The following NTRK2 variants were observed in gnomAD, a reference collection of about 807,000 sequenced individuals.
NTRK2 encodes the protein BDNF/NT-3 growth factors receptor.
NTRK2 carries 13 observed loss-of-function variants against 94.5 expected under a neutral mutation model. The ratio of observed to expected loss-of-function variants is 0.14; its 90% CI spans 0.09 to 0.22. The LOEUF (loss-of-function observed/expected upper bound fraction) is 0.22. Among genes scored for constraint, NTRK2 ranks in the 10% least tolerant of loss-of-function variants. NTRK2 has a pLI of 1.00. For synonymous variants in NTRK2, 372 were observed against 407.4 expected (o/e 0.91, Z 1.05); for missense variants, 639 against 1,071.2 (o/e 0.60, Z 5.63).
At chr9:84,902,589 T>C (rs1435141455) in intron 14 of NTRK2, among the ~76,000 whole-genome samples, 1 of 152,190 alleles carries the variant, frequency 6.6e-6, no homozygotes, top group Non-Finnish European at 1.5e-5. Context: ...AATAAATCTT[T>C]AAGTTACCAT....
At chr9:84,778,066 A>T (rs934082514) in intron 12 of NTRK2, among the ~76,000 whole-genome samples, 2 of 152,158 alleles carry the variant, frequency 1.3e-5, no homozygotes, top group African/African-American at 4.8e-5. Context: ...GTTCGAGACC[A>T]GCCTGGGCAA....
intron 12 of NTRK2, among the ~76,000 whole-genome samples, chr9:84,820,616 G>A (rs1007221987): frequency 3.9e-5 from 6 of 152,150 alleles, no homozygotes; most frequent in Admixed American, 1.3e-4. Context: ...AGGTTCATCT[G>A]TTAATTTTTT....
Position 85,024,110 on chromosome 9 carries a change from A to G in NTRK2, c.*2673A>G. On this transcript the variant is annotated 3_prime_UTR_variant, in exon 19 of 19. Transcript: ENST00000277120. Reference sequence around the variant, plus strand: ...AGTGCAAAGTTTTATAGTTATTTTTATTGCTGATTATTACTATTACTATCT... The same window carrying G: ...AGTGCAAAGTTTTATAGTTATTTTTGTTGCTGATTATTACTATTACTATCT... 4.3e-6 allele frequency: 1 copy of G among 230,536 alleles called. No homozygotes were observed. The highest frequency in any genetic ancestry group is 6.2e-5 in the East Asian group (1 of 16,166). The allele number at this position is 230,536 out of a possible 1,614,324, so 14.3% of individuals were successfully genotyped here.
At chr9:84,873,333 A>C (rs554250249) in intron 14 of NTRK2, 2 of 1,058,928 alleles carry the variant, frequency 1.9e-6, no homozygotes, top group African/African-American at 3.3e-5. Context: ...AGCTAAGTCC[A>C]TTCTGCCCAG....
Position 85,021,566 on chromosome 9 carries a change from C to T in NTRK2, c.*129C>T, listed in dbSNP as rs202071078. On this transcript the variant is annotated 3_prime_UTR_variant, in exon 19 of 19. Transcript: ENST00000277120. ...ACTCTGACAGTATTAACATCAAAGA[C>T]TCCGAGAAGCTCTCGAGGGAAGCAG... 26 of 882,712 alleles carry T rather than the reference C, an allele frequency of 2.9e-5. No individual in the cohort carries two copies. In the East Asian group the frequency reaches 4.2e-4, roughly 14 times the overall value. 54.7% of individuals were successfully genotyped at this position (882,712 alleles called of 1,614,324 possible).
intron 15 of NTRK2, among the ~76,000 whole-genome samples, chr9:84,947,307 A>G (rs1357196745): frequency 6.6e-6 from 1 of 152,150 alleles, no homozygotes; most frequent in African/African-American, 2.4e-5. Flanking sequence ...CTCCTGGATA[A>G]TCCAGGATAA....
At chr9:84,745,642 T>C (rs1393034719) in intron 11 of NTRK2, among the ~76,000 whole-genome samples, 1 of 152,084 alleles carries the variant, frequency 6.6e-6, no homozygotes, top group Non-Finnish European at 1.5e-5. Flanking sequence ...TGAGGAGCCT[T>C]TGTGGGGCAA....
At chr9:84,915,274 G>A (rs2077362248) in intron 14 of NTRK2, among the ~76,000 whole-genome samples, 1 of 152,134 alleles carries the variant, frequency 6.6e-6, no homozygotes, top group African/African-American at 2.4e-5. Context: ...TGGTTTGTTT[G>A]GCCCCACCAA....
chr9:84,965,191 C>A (rs1825413878), intron 17 of NTRK2, among the ~76,000 whole-genome samples: 1 of 152,308 alleles, frequency 6.6e-6, no homozygotes, highest in Admixed American at 6.5e-5. Flanking sequence ...ATTAGTAATG[C>A]TACCCACTTT....
At chr9:84,929,528 A>G (rs1488719600) in intron 14 of NTRK2, among the ~76,000 whole-genome samples, 1 of 151,280 alleles carries the variant, frequency 6.6e-6, no homozygotes, top group African/African-American at 2.4e-5. Context: ...TTTTCCTTCA[A>G]ATCTAGGAAG....
chr9:84,823,775 G>C (rs1249139139), intron 12 of NTRK2, among the ~76,000 whole-genome samples: 1 of 152,122 alleles, frequency 6.6e-6, no homozygotes, highest in African/African-American at 2.4e-5. Context: ...CATTTTTTAA[G>C]GTCTCTATGA....
rs117656178 is a variant in NTRK2, at chr9:84,870,756, A to T, written c.1633+3325A>T. Among the ~76,000 whole-genome samples the T allele has an allele frequency of 4.5e-4, 68 of 152,260 alleles. No individual in the cohort carries two copies. The East Asian group carries it at 0.011, about 26-fold the overall frequency. On this transcript the variant is annotated intron_variant, in intron 14 of 18. Coordinates refer to ENST00000277120, the MANE Select transcript of NTRK2 (RefSeq NM_006180.6). The stretch of plus-strand genomic sequence containing the variant: ...TCAGAGAGAGTTTAGAACACTTTCA[A>T]TGTGCTTACAGCATAATATCACATG...
At position 84,877,993 on chromosome 9, in the gene NTRK2, C is replaced by T. The variant is rs529346054; in HGVS notation, c.1633+10562C>T. The stretch of plus-strand genomic sequence containing the variant: ...AACATTGGGATTCCTCAAGGCACCA[C>T]GAACAGAGCTCTAGAAGTTGTCCGC... On this transcript the variant is annotated intron_variant, in intron 14 of 18. Transcript: ENST00000277120. 9.3e-5 allele frequency: 90 copies of T among 969,226 alleles called. No homozygotes were observed. The African/African-American group carries it at 1.0e-3, about 11-fold the overall frequency. The allele number at this position is 969,226 out of a possible 1,614,324, so 60.0% of individuals were successfully genotyped here. A position where few individuals can be genotyped will look rare whatever the true frequency, so the allele number is the denominator to read the frequency against.
chr9:84,865,729 T>C (rs2075561568), intron 13 of NTRK2, among the ~76,000 whole-genome samples: 1 of 152,210 alleles, frequency 6.6e-6, no homozygotes, highest in Admixed American at 6.5e-5. Flanking sequence ...TGATTCTGCC[T>C]TTTCACTCCC....
chr9:84,766,398 T>A (rs549652889), intron 12 of NTRK2, among the ~76,000 whole-genome samples: 1 of 152,250 alleles, frequency 6.6e-6, no homozygotes, highest in Non-Finnish European at 1.5e-5. Context: ...TTGTTTTGTT[T>A]TTTTATTCAG....
At chr9:84,926,108 T>C (rs144385226) in intron 14 of NTRK2, among the ~76,000 whole-genome samples, 2,673 of 41,134 alleles carry the variant, frequency 0.065, 66 homozygotes, top group African/African-American at 0.12. Flanking sequence ...TTCCTTCCTT[T>C]CCTTCCTTCC....
At chr9:84,773,640 G>A (rs2066764817) in intron 12 of NTRK2, among the ~76,000 whole-genome samples, 1 of 152,160 alleles carries the variant, frequency 6.6e-6, no homozygotes, top group Non-Finnish European at 1.5e-5. Flanking sequence ...CACGTCTGAA[G>A]TTCGCTGTAG....
At chr9:84,914,398 T>C (rs2077333456) in intron 14 of NTRK2, among the ~76,000 whole-genome samples, 1 of 152,236 alleles carries the variant, frequency 6.6e-6, no homozygotes. Flanking sequence ...GACTGATTTT[T>C]CCTTATTGAA....
At chr9:84,839,496 CA>C (rs1199306953) in intron 12 of NTRK2, among the ~76,000 whole-genome samples, 6 of 152,172 alleles carry the variant, frequency 3.9e-5, no homozygotes, top group Non-Finnish European at 7.4e-5. Flanking sequence ...GGTCTTAGTA[CA>C]TTTTGATTCT....
Sources: gnomAD v4.1 joint callset for allele counts (sites outside exome capture counted in the v4.1 genomes callset) on GRCh38, gnomAD v4.1.1 for gene constraint, MANE v1.5 for transcripts, NCBI Gene and HGNC (gene_info 2026-07-23, HGNC 2026-07-21) for gene names.